The following MEF2A variants were observed in gnomAD, a reference collection of about 807,000 sequenced individuals.
MEF2A encodes the protein myocyte enhancer factor 2A.
Under a neutral mutation model 55.8 loss-of-function variants are expected in MEF2A, and 28 were observed. The observed-to-expected ratio is 0.50, with a 90% CI of 0.37 to 0.69. The LOEUF is 0.69. Ranked by LOEUF, MEF2A falls within the 30% of genes least tolerant of loss-of-function variation. The pLI is 0.00. For synonymous variants in MEF2A, 239 were observed against 227.1 expected, an observed-to-expected ratio of 1.05 and a Z score of -0.47; for missense variants, 528 against 626.2, an observed-to-expected ratio of 0.84 and a Z score of 1.67.
At chr15:99,568,027 CTG>C (rs1217457062) in intron 1 of MEF2A, among the ~76,000 whole-genome samples, 1 of 152,134 alleles carries the variant, frequency 6.6e-6, no homozygotes, top group African/African-American at 2.4e-5. Context: ...AAAACAGTGA[CTG>C]TGAAGTAATG....
intron 1 of MEF2A, among the ~76,000 whole-genome samples, chr15:99,578,243 C>T (rs1249876032): frequency 6.6e-6 from 1 of 152,126 alleles, no homozygotes; most frequent in African/African-American, 2.4e-5. Context: ...GAAGAAGTGT[C>T]CCTTCTCCCT....
chr15:99,688,614 G>A (rs560498452), intron 7 of MEF2A, among the ~76,000 whole-genome samples: 6 of 152,220 alleles, frequency 3.9e-5, no homozygotes, highest in Non-Finnish European at 5.9e-5. Context: ...AAAATTAGCC[G>A]GGCGTGGTGG....
At chr15:99,686,718 A>T (rs920500913) in intron 7 of MEF2A, among the ~76,000 whole-genome samples, 5 of 152,148 alleles carry the variant, frequency 3.3e-5, no homozygotes, top group African/African-American at 1.2e-4. Flanking sequence ...TTTTGCAATG[A>T]ATTTCCCAGG....
chr15:99,566,358 G>T (rs1024506658), intron 1 of MEF2A: 1 of 148,034 alleles, frequency 6.8e-6, no homozygotes, highest in African/African-American at 2.5e-5. Context: ...CTGGGAGGCG[G>T]CGAGGGGTGG....
At chr15:99,639,016 A>G (rs2044401253) in intron 3 of MEF2A, among the ~76,000 whole-genome samples, 1 of 152,182 alleles carries the variant, frequency 6.6e-6, no homozygotes. Context: ...CCTCTAACCT[A>G]AAAGCAGACA....
At position 99,712,573 on chromosome 15, in the gene MEF2A, G is replaced by A. The variant is rs548724572; in HGVS notation, c.1320G>A (p.Pro440=). ...CACCGCAGCCCCAGCCACAACCCCC[G>A]CAGCCCCAGCCCCGACAGGAAATGG... The part of the protein sequence containing the change: ...PPPPQPQPQP[P]QPQPRQEMGR... Residue 440 remains proline (P), a synonymous_variant, in exon 12 of 12, where the codon CCG becomes CCA. Transcript: ENST00000557942. The surrounding 1 kb of genome is among the most constrained non-coding windows in gnomAD (Gnocchi z 4.1). 1.8e-5 allele frequency: 27 copies of A among 1,535,538 alleles called. No homozygotes were observed. The highest frequency in any genetic ancestry group is 2.2e-5 in the Non-Finnish European group (25 of 1,136,794).
At chr15:99,709,413 C>T (rs576140584) in intron 10 of MEF2A, among the ~76,000 whole-genome samples, 2 of 152,172 alleles carry the variant, frequency 1.3e-5, no homozygotes, top group Non-Finnish European at 2.9e-5. Flanking sequence ...GGCACTAGGT[C>T]GTTTAAAAGA....
intron 4 of MEF2A, among the ~76,000 whole-genome samples, chr15:99,646,399 A>G (rs1296671093): frequency 1.3e-5 from 2 of 152,140 alleles, no homozygotes; most frequent in Non-Finnish European, 2.9e-5. Context: ...TCTCTCTTTC[A>G]AGATCTTCCA....
At position 99,636,410 on chromosome 15, in the gene MEF2A, G is replaced by A. The variant is rs13379510; in HGVS notation, c.54+3237G>A. Among the ~76,000 whole-genome samples, 1,156 of 152,204 alleles carry A rather than the reference G, an allele frequency of 7.6e-3. 21 individuals carry two copies. The highest frequency in any genetic ancestry group is 0.026 in the African/African-American group (1,081 of 41,522). On this transcript the variant is annotated intron_variant, in intron 3 of 11. Coordinates refer to ENST00000557942, the MANE Select transcript of MEF2A (RefSeq NM_001319206.4). ...TGCCCAGGCTGGAGTGCAGTGGTGC[G>A]ATCATAGGTCACTGTAACTCAAACT...
chr15:99,634,172 T>G (rs1279933324), intron 3 of MEF2A, among the ~76,000 whole-genome samples: 1 of 152,144 alleles, frequency 6.6e-6, no homozygotes, highest in Admixed American at 6.5e-5. Context: ...CAAATCTGAG[T>G]AGTAATTCAC....
At chr15:99,688,192 T>C (rs759353481) in intron 7 of MEF2A, among the ~76,000 whole-genome samples, 12 of 152,272 alleles carry the variant, frequency 7.9e-5, no homozygotes, top group Non-Finnish European at 1.8e-4. Context: ...GTTACTTATC[T>C]ACTTTTTACT....
At chr15:99,601,161 A>T (rs1972815952) in intron 2 of MEF2A, among the ~76,000 whole-genome samples, 1 of 152,174 alleles carries the variant, frequency 6.6e-6, no homozygotes, top group Non-Finnish European at 1.5e-5. Context: ...TATAAATGGG[A>T]ATTTAAAAGA....
chr15:99,689,533 T>C (rs1386168535), intron 7 of MEF2A, among the ~76,000 whole-genome samples: 1 of 152,222 alleles, frequency 6.6e-6, no homozygotes, highest in Non-Finnish European at 1.5e-5. Flanking sequence ...CACGCTGTAG[T>C]GCAGGGGCAT....
At chr15:99,621,555 G>C (rs2041177032) in intron 2 of MEF2A, among the ~76,000 whole-genome samples, 1 of 152,062 alleles carries the variant, frequency 6.6e-6, no homozygotes, top group Non-Finnish European at 1.5e-5. Flanking sequence ...GTTCCTTGGG[G>C]CTGAGTTTGC....
At chr15:99,664,283 A>G (rs2049188755) in intron 4 of MEF2A, among the ~76,000 whole-genome samples, 1 of 152,214 alleles carries the variant, frequency 6.6e-6, no homozygotes, top group African/African-American at 2.4e-5. Flanking sequence ...CTAAAGAAAG[A>G]ATTTGTTGAA....
intron 4 of MEF2A, among the ~76,000 whole-genome samples, chr15:99,668,494 G>A (rs1416287032): frequency 6.6e-6 from 1 of 152,138 alleles, no homozygotes; most frequent in Non-Finnish European, 1.5e-5. Context: ...ACTCAATCAC[G>A]TTATTTACAA....
chr15:99,649,425 CTT>C (rs2046482408), intron 4 of MEF2A, among the ~76,000 whole-genome samples: 1 of 152,044 alleles, frequency 6.6e-6, no homozygotes, highest in Admixed American at 6.6e-5. Flanking sequence ...AGTTTTATAA[CTT>C]TATTTCCCAT....
chr15:99,643,426 G>T (rs1364989859), intron 3 of MEF2A, among the ~76,000 whole-genome samples: 1 of 151,958 alleles, frequency 6.6e-6, no homozygotes, highest in Non-Finnish European at 1.5e-5. Context: ...TAATCTTCTA[G>T]GCATATACTC....
chr15:99,682,647 AATC>A (rs566969369), intron 7 of MEF2A, among the ~76,000 whole-genome samples: 44 of 152,290 alleles, frequency 2.9e-4, no homozygotes, highest in Middle Eastern at 3.4e-3. Context: ...ATCATCCTTT[AATC>A]ATCATCTGCT....
Sources: gnomAD v4.1 joint callset for allele counts (sites outside exome capture counted in the v4.1 genomes callset) on GRCh38, gnomAD v4.1.1 for gene constraint, Gnocchi (gnomAD v3.1) non-coding constraint, MANE v1.5 for transcripts, NCBI Gene and HGNC (gene_info 2026-07-23, HGNC 2026-07-21) for gene names.